Variants in TUT7 observed in about 807,000 individuals in gnomAD.
TUT7 encodes the protein terminal uridylyltransferase 7.
TUT7 carries 33 observed loss-of-function variants against 165.9 expected under a neutral mutation model. The ratio of observed to expected loss-of-function variants is 0.20; its 90% confidence interval spans 0.15 to 0.27. The LOEUF is 0.27. Among genes scored for constraint, TUT7 ranks in the 10% least tolerant of loss-of-function variants. The probability of loss-of-function intolerance (pLI) is 1.00; values close to 1 mark genes in which losing one functional copy is unlikely to be tolerated. For synonymous variants in TUT7, 552 were observed against 608.1 expected, an observed-to-expected ratio of 0.91 and a Z score of 1.36; for missense variants, 1,338 against 1,762.3, an observed-to-expected ratio of 0.76 and a Z score of 4.31.
intron 13 of TUT7, 98 bp downstream of exon 13, chr9:86,322,775 C>T (rs1423073598): frequency 2.2e-6 from 3 of 1,378,302 alleles, no homozygotes; most frequent in South Asian, 1.5e-5. Flanking sequence ...TTCAACACTA[C>T]CAAAATAGGA....
At chr9:86,351,743 T>C (rs544344445) in intron 2 of TUT7, among the ~76,000 whole-genome samples, 23 of 152,250 alleles carry the variant, frequency 1.5e-4, no homozygotes, top group African/African-American at 5.3e-4. Flanking sequence ...GCATTTAAAC[T>C]AAAAAAATTT....
At position 86,310,003 on chromosome 9, in the gene TUT7, T is replaced by C; in HGVS notation, c.3393A>G (p.Thr1131=). Residue 1131 remains threonine, a synonymous_variant, in exon 19 of 27, where the codon ACA becomes ACG. Transcript: ENST00000375963. ...TGGCGGAATAAGCAGATAAAAGCCT[T>C]GTGTTATGAAGGGCCTGTTAAAAGG... is the stretch of plus-strand genomic sequence containing the variant. ...SLYNTLALHN[T]RLLSAYSAID... 1.2e-6 allele frequency: 2 copies of C among 1,613,590 alleles called. No homozygotes were observed. Among genetic ancestry groups the C allele is most frequent in the African/African-American group, 1.3e-5 (1 of 74,912 alleles).
intron 17 of TUT7, among the ~76,000 whole-genome samples, chr9:86,314,403 T>C (rs1828519106): frequency 6.6e-6 from 1 of 152,222 alleles, no homozygotes; most frequent in African/African-American, 2.4e-5. Context: ...AAAAACTGTT[T>C]TATTTTCATC....
intron 2 of TUT7, among the ~76,000 whole-genome samples, chr9:86,347,707 G>T (rs1227091061): frequency 6.6e-6 from 1 of 152,126 alleles, no homozygotes; most frequent in African/African-American, 2.4e-5. Context: ...TGGAAAAGTA[G>T]TTTTAAAAAA....
At chr9:86,332,455 A>T (rs555950199) in intron 10 of TUT7, among the ~76,000 whole-genome samples, 2 of 152,282 alleles carry the variant, frequency 1.3e-5, no homozygotes, top group East Asian at 3.9e-4. Flanking sequence ...ATCAAATACC[A>T]AATACCACAA....
At chr9:86,301,164 G>T in intron 26 of TUT7, 112 bp downstream of exon 26, 1 of 986,588 alleles carries the variant, frequency 1.0e-6, no homozygotes, top group Non-Finnish European at 1.5e-6. Flanking sequence ...GATCTTTTTT[G>T]AGTAAATATA....
intron 10 of TUT7, among the ~76,000 whole-genome samples, chr9:86,333,199 T>C (rs1402207785): frequency 6.6e-6 from 1 of 152,248 alleles, no homozygotes; most frequent in Non-Finnish European, 1.5e-5. Flanking sequence ...CAGTAGATTG[T>C]GGCTCAGCTC....
At chr9:86,347,336 T>G (rs1269316421) in intron 2 of TUT7, among the ~76,000 whole-genome samples, 1 of 152,226 alleles carries the variant, frequency 6.6e-6, no homozygotes, top group Non-Finnish European at 1.5e-5. Context: ...TTAAAGTGAT[T>G]GTGGGATTAA....
intron 26 of TUT7, among the ~76,000 whole-genome samples, chr9:86,297,479 CG>C (rs1213132015): frequency 1.3e-5 from 2 of 152,154 alleles, no homozygotes; most frequent in African/African-American, 4.8e-5. Flanking sequence ...ACCTTGGCTA[CG>C]CAAGAATTAG....
At chr9:86,339,499 C>T (rs1163986704) in intron 8 of TUT7, among the ~76,000 whole-genome samples, 1 of 152,068 alleles carries the variant, frequency 6.6e-6, no homozygotes, top group East Asian at 1.9e-4. Flanking sequence ...GCCTGGGCAA[C>T]AGAGCGAGAC....
intron 8 of TUT7, 114 bp downstream of exon 8, chr9:86,339,922 T>C: frequency 1.2e-6 from 1 of 812,850 alleles, no homozygotes; most frequent in South Asian, 1.6e-5. Context: ...GAACCATGTG[T>C]GATAACCAAA....
chr9:86,296,011 G>T (rs1826284943), intron 26 of TUT7, among the ~76,000 whole-genome samples: 2 of 152,132 alleles, frequency 1.3e-5, no homozygotes, highest in Admixed American at 6.5e-5. Flanking sequence ...GTTTATCACT[G>T]TGGTACCACA....
intron 2 of TUT7, among the ~76,000 whole-genome samples, chr9:86,350,339 GAATAAT>G (rs916225355): frequency 3.9e-5 from 6 of 151,972 alleles, no homozygotes; most frequent in Admixed American, 1.3e-4. Flanking sequence ...TCAAAAAAGA[GAATAAT>G]AATAATAAAA....
intron 22 of TUT7, among the ~76,000 whole-genome samples, chr9:86,307,943 G>A (rs1233390197): frequency 6.6e-6 from 1 of 152,088 alleles, no homozygotes; most frequent in African/African-American, 2.4e-5. Context: ...GCAGTGAGCC[G>A]AGATAGCGCT....
At chr9:86,353,775 G>A (rs1006642098) in intron 1 of TUT7, among the ~76,000 whole-genome samples, 1 of 152,180 alleles carries the variant, frequency 6.6e-6, no homozygotes, top group African/African-American at 2.4e-5. Context: ...TTACGGAGGG[G>A]CTGGGCTTCC....
intron 10 of TUT7, among the ~76,000 whole-genome samples, chr9:86,335,833 T>C (rs1475583598): frequency 6.6e-6 from 1 of 152,200 alleles, no homozygotes; most frequent in Non-Finnish European, 1.5e-5. Context: ...ATGGATCCAA[T>C]GATTTCAATC....
chr9:86,314,016 G>A (rs184826631), intron 17 of TUT7, among the ~76,000 whole-genome samples: 5 of 152,344 alleles, frequency 3.3e-5, no homozygotes, highest in Admixed American at 3.3e-4. Flanking sequence ...GCTAGGCTTT[G>A]CACTTTACGT....
chr9:86,341,188 C>T lies in TUT7; in HGVS notation c.1087-135G>A. On this transcript the variant is annotated intron_variant, in intron 6 of 26. Coordinates refer to ENST00000375963, the MANE Select transcript of TUT7 (RefSeq NM_024617.4). ...TTGCTATCAAAGTAAAGAAATTACT[C>T]ACTATGTTGTTTGCATATGTCAGTC... 3 of 731,990 alleles carry T rather than the reference C, an allele frequency of 4.1e-6. No homozygotes were observed. In the South Asian group the frequency reaches 4.5e-5, roughly 11 times the overall value. 45.3% of individuals were successfully genotyped at this position (731,990 alleles called of 1,614,324 possible).
At chr9:86,321,471 G>C (rs1211915761) in intron 14 of TUT7, among the ~76,000 whole-genome samples, 1 of 152,150 alleles carries the variant, frequency 6.6e-6, no homozygotes, top group Admixed American at 6.5e-5. Flanking sequence ...GCTCAAGCCT[G>C]TAATCCCAGC....
Sources: allele counts gnomAD v4.1 joint callset (sites outside exome capture counted in the v4.1 genomes callset), GRCh38; gene constraint gnomAD v4.1.1; transcripts MANE v1.5; gene names NCBI Gene and HGNC (gene_info 2026-07-23, HGNC 2026-07-21).